The following ADGRB3 variants were observed in gnomAD, a reference collection of about 807,000 sequenced individuals.
The protein encoded by ADGRB3 is adhesion G protein-coupled receptor B3, also known as brain-specific angiogenesis inhibitor 3.
Under a neutral mutation model 193.4 loss-of-function variants are expected in ADGRB3, and 37 were observed. The ratio of observed to expected loss-of-function variants is 0.19; its 90% CI spans 0.15 to 0.25. The LOEUF (loss-of-function observed/expected upper bound fraction) is 0.25, where lower values mean the gene tolerates loss of function less well. ADGRB3 is among the 10% of genes least tolerant of loss of function. The pLI is 1.00. For missense variants in ADGRB3, 1,637 were observed against 1,852.9 expected (o/e 0.88, Z 2.14); for synonymous variants, 690 against 644.2 (o/e 1.07, Z -1.08).
intron 3 of ADGRB3, among the ~76,000 whole-genome samples, chr6:68,847,790 G>A (rs1768310946): frequency 6.6e-6 from 1 of 151,960 alleles, no homozygotes; most frequent in South Asian, 2.1e-4. Flanking sequence ...GTGGGGTCGG[G>A]GAAAGAAGAG....
intron 15 of ADGRB3, among the ~76,000 whole-genome samples, chr6:69,052,159 A>T (rs1447020041): frequency 6.6e-6 from 1 of 152,188 alleles, no homozygotes; most frequent in Non-Finnish European, 1.5e-5. Flanking sequence ...AAGTGCTGAG[A>T]TTGCAGGCAT....
chr6:68,946,814 A>G (rs1246609952), intron 6 of ADGRB3, among the ~76,000 whole-genome samples: 1 of 152,156 alleles, frequency 6.6e-6, no homozygotes, highest in East Asian at 1.9e-4. Context: ...AATAAACTGC[A>G]TGAAACCACT....
At chr6:68,788,037 TTC>T (rs1767013913) in intron 3 of ADGRB3, among the ~76,000 whole-genome samples, 1 of 152,214 alleles carries the variant, frequency 6.6e-6, no homozygotes, top group African/African-American at 2.4e-5. Context: ...TATTTGATTT[TTC>T]TCTCTTTTCT....
chr6:68,956,207 A>G lies in ADGRB3; in HGVS notation c.1360+19A>G. 2 of 1,592,290 alleles carry G rather than the reference A, an allele frequency of 1.3e-6. No individual in the cohort carries two copies. Among genetic ancestry groups the G allele is most frequent in the South Asian group, 1.1e-5 (1 of 89,116 alleles). On this transcript the variant is annotated intron_variant, in intron 7 of 31. Transcript: ENST00000370598. ...TGTACAGGTAGGGCTTGATTCCTGC[A>G]TATCATGGGCACTCGTACCATGTAA...
intron 16 of ADGRB3, among the ~76,000 whole-genome samples, chr6:69,065,313 C>T (rs1771869423): frequency 6.6e-6 from 1 of 152,136 alleles, no homozygotes; most frequent in Admixed American, 6.6e-5. Flanking sequence ...AATCTGCCCG[C>T]CGTGCACATC....
At chr6:68,777,734 A>C (rs890876207) in intron 3 of ADGRB3, among the ~76,000 whole-genome samples, 10 of 151,956 alleles carry the variant, frequency 6.6e-5, no homozygotes, top group Non-Finnish European at 1.2e-4. Flanking sequence ...TCTGTGGAAA[A>C]TATTTTAAAT....
rs566919657 is a variant in ADGRB3 at position 69,259,361 on chromosome 6, G to A, written c.2814+20135G>A. Among the ~76,000 whole-genome samples, 31 of 152,158 alleles carry A rather than the reference G, an allele frequency of 2.0e-4. No homozygotes were observed. The South Asian group carries it at 4.4e-3, about 21-fold the overall frequency. ...CTACATTTCTTTAATATTTTCTCCC[G>A]TGTTGGTGTTCAATAACACGTAGTT... is the stretch of plus-strand genomic sequence containing the variant. On this transcript the variant is annotated intron_variant, in intron 20 of 31. Coordinates refer to ENST00000370598, the MANE Select transcript of ADGRB3 (RefSeq NM_001704.3).
intron 8 of ADGRB3, among the ~76,000 whole-genome samples, chr6:68,964,008 A>C (rs1032128567): frequency 6.6e-6 from 1 of 152,124 alleles, no homozygotes; most frequent in African/African-American, 2.4e-5. Flanking sequence ...AACTAATGAA[A>C]ACATTTATAT....
chr6:68,708,933 G>C (rs1562001429), intron 3 of ADGRB3, among the ~76,000 whole-genome samples: 1 of 151,262 alleles, frequency 6.6e-6, no homozygotes, highest in African/African-American at 2.4e-5. Flanking sequence ...ATTGAAATCA[G>C]AAAAAAAATC....
intron 3 of ADGRB3, among the ~76,000 whole-genome samples, chr6:68,651,810 G>A (rs537435698): frequency 6.6e-6 from 1 of 152,194 alleles, no homozygotes; most frequent in Admixed American, 6.6e-5. Context: ...TGGTAGGAGA[G>A]GCAACTCCTC....
chr6:68,885,343 T>C (rs966677146), intron 3 of ADGRB3, among the ~76,000 whole-genome samples: 18 of 152,174 alleles, frequency 1.2e-4, no homozygotes, highest in African/African-American at 4.1e-4. Context: ...ATTTTTTTAA[T>C]TAAAAATTTT....
chr6:68,719,543 C>T (rs1219123411), intron 3 of ADGRB3, among the ~76,000 whole-genome samples: 1 of 151,712 alleles, frequency 6.6e-6, no homozygotes, highest in East Asian at 1.9e-4. Flanking sequence ...TCTGATGCCT[C>T]TGTTTAATTA....
chr6:69,320,362 T>G (rs1415418026), intron 20 of ADGRB3, among the ~76,000 whole-genome samples: 1 of 151,488 alleles, frequency 6.6e-6, no homozygotes, highest in African/African-American at 2.4e-5. Context: ...TTATTTATTT[T>G]TAACTATTAT....
At chr6:68,818,217 C>T (rs1284856492) in intron 3 of ADGRB3, among the ~76,000 whole-genome samples, 2 of 151,994 alleles carry the variant, frequency 1.3e-5, no homozygotes, top group Non-Finnish European at 2.9e-5. Context: ...TGTAGACTCT[C>T]CTTTAATTAT....
chr6:69,320,408 A>G (rs898642003), intron 20 of ADGRB3, among the ~76,000 whole-genome samples: 3 of 151,508 alleles, frequency 2.0e-5, no homozygotes, highest in African/African-American at 7.3e-5. Context: ...GCTTTGTTAG[A>G]CATGGAGACT....
intron 3 of ADGRB3, among the ~76,000 whole-genome samples, chr6:68,655,775 G>T (rs1768477441): frequency 6.6e-6 from 1 of 151,464 alleles, no homozygotes; most frequent in Non-Finnish European, 1.5e-5. Flanking sequence ...TTGACAAAGG[G>T]TGATTGCCCC....
chr6:68,638,197 G>C (rs571900554), intron 2 of ADGRB3, among the ~76,000 whole-genome samples: 4 of 152,340 alleles, frequency 2.6e-5, no homozygotes, highest in African/African-American at 9.6e-5. Flanking sequence ...GATGACAGCT[G>C]TTCCCAGATT....
chr6:68,902,648 A>T (rs1017073620), intron 3 of ADGRB3, among the ~76,000 whole-genome samples: 5 of 152,216 alleles, frequency 3.3e-5, no homozygotes, highest in Middle Eastern at 3.4e-3. Context: ...GCCAATAATT[A>T]AGGCCTTATA....
chr6:69,336,264 T>C (rs1768845453), intron 24 of ADGRB3, among the ~76,000 whole-genome samples: 1 of 151,980 alleles, frequency 6.6e-6, no homozygotes, highest in Admixed American at 6.6e-5. Flanking sequence ...GGCATGTATA[T>C]TTTTAGAACA....
Sources: allele counts gnomAD v4.1 joint callset (sites outside exome capture counted in the v4.1 genomes callset), GRCh38; gene constraint gnomAD v4.1.1; transcripts MANE v1.5; gene names NCBI Gene and HGNC (gene_info 2026-07-23, HGNC 2026-07-21).